SGCZ: variants seen among roughly 807,000 people sequenced by gnomAD.
The protein encoded by SGCZ is sarcoglycan zeta, also known as zeta-sarcoglycan.
In SGCZ, 40 loss-of-function variants were observed where a neutral mutation model predicts 41.3. The observed-to-expected ratio is 0.97, with a 90% CI of 0.75 to 1.26. SGCZ has a LOEUF of 1.26. Ranked by LOEUF, SGCZ falls within the 50% of genes most tolerant of loss-of-function variation. The probability of loss-of-function intolerance (pLI) is 0.00; values close to 1 mark genes in which losing one functional copy is unlikely to be tolerated. For missense variants in SGCZ, 552 were observed against 369.8 expected (o/e 1.49, Z -4.04); for synonymous variants, 206 against 137.5 (o/e 1.50, Z -3.49).
In SGCZ at chr8:14,723,330, A is replaced by G. The variant is rs142250936; in HGVS notation, c.40-168404T>C. 1.4e-4 allele frequency among the ~76,000 whole-genome samples: 21 copies of G among 152,306 alleles called. No homozygotes were observed. In the East Asian group the frequency reaches 4.1e-3, roughly 29 times the overall value. On this transcript the variant is annotated intron_variant, in intron 1 of 7. Coordinates refer to ENST00000382080, the MANE Select transcript of SGCZ (RefSeq NM_139167.4). ...ACCAGGGCTTGTTCCTGGCCCTGAA[A>G]AGCTCTTGGGGAAGAGGTGAGTGGG...
At chr8:14,914,185 T>C (rs1799359969) in intron 1 of SGCZ, among the ~76,000 whole-genome samples, 1 of 151,754 alleles carries the variant, frequency 6.6e-6, no homozygotes, top group Admixed American at 6.6e-5. Context: ...ATATATAAAA[T>C]ATAGTTATAC....
intron 5 of SGCZ, among the ~76,000 whole-genome samples, chr8:14,149,274 T>C (rs966078159): frequency 2.0e-5 from 3 of 151,916 alleles, no homozygotes; most frequent in African/African-American, 4.8e-5. Flanking sequence ...GATCTTATAC[T>C]AAGAAAAACC....
At chr8:14,571,187 G>A (rs936176890) in intron 1 of SGCZ, among the ~76,000 whole-genome samples, 2 of 152,064 alleles carry the variant, frequency 1.3e-5, no homozygotes, top group South Asian at 2.1e-4. Flanking sequence ...GGAGATAGCA[G>A]GGGAAACCGC....
chr8:14,500,298 T>C (rs1041509642), intron 2 of SGCZ, among the ~76,000 whole-genome samples: 2 of 152,096 alleles, frequency 1.3e-5, no homozygotes, highest in African/African-American at 4.8e-5. Context: ...ACAATCTCAG[T>C]TCTCTCATCA....
At chr8:15,060,822 G>A (rs1804898074) in intron 1 of SGCZ, among the ~76,000 whole-genome samples, 1 of 152,066 alleles carries the variant, frequency 6.6e-6, no homozygotes, top group Non-Finnish European at 1.5e-5. Context: ...AATTAATAAT[G>A]TACCTAATTT....
chr8:15,203,179 T>C (rs1800950897), intron 1 of SGCZ, among the ~76,000 whole-genome samples: 1 of 152,188 alleles, frequency 6.6e-6, no homozygotes, highest in African/African-American at 2.4e-5. Flanking sequence ...TATTATATTC[T>C]GCCTCGGTAT....
intron 1 of SGCZ, among the ~76,000 whole-genome samples, chr8:14,748,646 A>G (rs947096187): frequency 6.6e-6 from 1 of 152,222 alleles, no homozygotes; most frequent in African/African-American, 2.4e-5. Context: ...AAAGGGAGCA[A>G]GAGAGATCTG....
intron 2 of SGCZ, among the ~76,000 whole-genome samples, chr8:14,489,523 G>C (rs887355296): frequency 6.6e-6 from 1 of 151,994 alleles, no homozygotes; most frequent in African/African-American, 2.4e-5. Context: ...GTAAATGGCA[G>C]TAAAGGGGAA....
At chr8:15,101,008 T>G (rs1293959136) in intron 1 of SGCZ, among the ~76,000 whole-genome samples, 1 of 152,118 alleles carries the variant, frequency 6.6e-6, no homozygotes, top group Non-Finnish European at 1.5e-5. Flanking sequence ...CCCAACTTGT[T>G]TACCATTTGT....
chr8:14,206,039 G>A (rs1272996129), intron 4 of SGCZ, among the ~76,000 whole-genome samples: 1 of 151,846 alleles, frequency 6.6e-6, no homozygotes, highest in East Asian at 1.9e-4. Flanking sequence ...ATTTAATGCT[G>A]TTTCCATTAT....
intron 1 of SGCZ, among the ~76,000 whole-genome samples, chr8:15,001,300 T>A (rs1802410645): frequency 6.6e-6 from 1 of 152,218 alleles, no homozygotes; most frequent in African/African-American, 2.4e-5. Context: ...GCCCTTAGAC[T>A]CATCTTTCTG....
chr8:14,137,239 G>A (rs112818046), intron 5 of SGCZ, among the ~76,000 whole-genome samples: 286 of 152,314 alleles, frequency 1.9e-3, no homozygotes, highest in African/African-American at 6.5e-3. Context: ...GAGCAGAAAA[G>A]CTGAAAATTT....
At chr8:15,003,643 G>A (rs114038605) in intron 1 of SGCZ, among the ~76,000 whole-genome samples, 2,934 of 152,188 alleles carry the variant, frequency 0.019, 90 homozygotes, top group African/African-American at 0.066. Flanking sequence ...AACATAACAT[G>A]TTTTTATATG....
At chr8:14,142,500 T>G (rs559806101) in intron 5 of SGCZ, among the ~76,000 whole-genome samples, 1 of 152,262 alleles carries the variant, frequency 6.6e-6, no homozygotes, top group South Asian at 2.1e-4. Flanking sequence ...TTAGGCACTT[T>G]ATGTATTTCC....
intron 1 of SGCZ, among the ~76,000 whole-genome samples, chr8:14,940,984 C>A (rs1221988416): frequency 6.6e-6 from 1 of 151,660 alleles, no homozygotes; most frequent in African/African-American, 2.4e-5. Flanking sequence ...CAAAAAAAAG[C>A]AAATCTCTAA....
chr8:14,154,403 G>T (rs114214980), intron 5 of SGCZ, among the ~76,000 whole-genome samples: 1 of 151,184 alleles, frequency 6.6e-6, no homozygotes, highest in Non-Finnish European at 1.5e-5. Context: ...AAAAAAAACC[G>T]CAGAAAATAA....
chr8:14,524,306 C>T (rs1264470760), intron 2 of SGCZ, among the ~76,000 whole-genome samples: 1 of 151,818 alleles, frequency 6.6e-6, no homozygotes, highest in East Asian at 1.9e-4. Context: ...AGTCCAGGAT[C>T]CTGTCCATTG....
At chr8:14,879,635 T>C (rs1396463039) in intron 1 of SGCZ, 1 of 151,214 alleles carries the variant, frequency 6.6e-6, no homozygotes. Context: ...ATTGCTTCAT[T>C]AGTAACAGTT....
intron 1 of SGCZ, among the ~76,000 whole-genome samples, chr8:14,915,433 G>C (rs1430726258): frequency 6.6e-6 from 1 of 152,126 alleles, no homozygotes; most frequent in Non-Finnish European, 1.5e-5. Flanking sequence ...ACAATGAGCA[G>C]CTTGTAAAAT....
Sources: gnomAD v4.1 joint callset for allele counts (sites outside exome capture counted in the v4.1 genomes callset) on GRCh38, gnomAD v4.1.1 for gene constraint, MANE v1.5 for transcripts, NCBI Gene and HGNC (gene_info 2026-07-23, HGNC 2026-07-21) for gene names.